Variants in ALK observed in about 807,000 individuals in gnomAD.
ALK encodes ALK receptor tyrosine kinase, also known as ALK tyrosine kinase receptor.
In ALK, 74 loss-of-function variants were observed where a neutral mutation model predicts 163.1. That is an observed-to-expected ratio of 0.45 (90% confidence interval 0.38 to 0.55). The LOEUF (loss-of-function observed/expected upper bound fraction) is 0.55, where lower values mean the gene tolerates loss of function less well. ALK is among the 20% of genes least tolerant of loss of function. The pLI, the probability that ALK is intolerant of heterozygous loss-of-function variation, is 0.00. For missense variants in ALK, 2,063 were observed against 2,105.3 expected (o/e 0.98, Z 0.39); for synonymous variants, 960 against 843.2 (o/e 1.14, Z -2.40).
rs185326181 is a variant in ALK, at chr2:29,460,640, C to T, written c.1154+71275G>A. ...AATTGGTTTGGGATGCCAAAAACCACGCCAAAATAAAACAGTGAATTTAAT... is the reference window on the plus strand; with the variant it reads ...AATTGGTTTGGGATGCCAAAAACCATGCCAAAATAAAACAGTGAATTTAAT... On this transcript the variant is annotated intron_variant, in intron 4 of 28. Transcript: ENST00000389048. Among the ~76,000 whole-genome samples the T allele has an allele frequency of 3.9e-5, 6 of 151,970 alleles. No individual in the cohort carries two copies. In the East Asian group the frequency reaches 5.8e-4, roughly 15 times the overall value.
chr2:29,698,099 C>T (rs79549398), intron 2 of ALK, among the ~76,000 whole-genome samples: 1,706 of 152,250 alleles, frequency 0.011, 10 homozygotes, highest in Non-Finnish European at 0.018. Context: ...TGCCCTTTCA[C>T]GATTCAGACA....
chr2:29,450,566 A>T (rs1670796059), intron 4 of ALK, among the ~76,000 whole-genome samples: 1 of 152,240 alleles, frequency 6.6e-6, no homozygotes, highest in Non-Finnish European at 1.5e-5. Flanking sequence ...TCTGGAAATC[A>T]GCACTTGGGG....
chr2:29,688,893 C>T (rs1244193749), intron 3 of ALK, among the ~76,000 whole-genome samples: 2 of 152,190 alleles, frequency 1.3e-5, no homozygotes, highest in South Asian at 2.1e-4. Context: ...AGGGTGGCCA[C>T]TGAACCCTGT....
intron 18 of ALK, among the ~76,000 whole-genome samples, chr2:29,226,001 C>T (rs2148177112): frequency 6.6e-6 from 1 of 152,172 alleles, no homozygotes; most frequent in Admixed American, 6.5e-5. Flanking sequence ...GGTCCTGTGC[C>T]CTCTGCTGGC....
In ALK at chr2:29,193,557, C is replaced by G. The variant is rs772430445; in HGVS notation, c.4530G>C (p.Trp1510Cys). The G allele has an allele frequency of 4.3e-6, 7 of 1,614,104 alleles. No individual in the cohort carries two copies. The African/African-American group carries it at 9.3e-5, about 22-fold the overall frequency. ...TCTTTTTGGTGGGTTTCTCTGTAAA[C>G]CAGGAGCCGTACGTTGGGTTCCACA... Reference protein sequence around the residue: ...TSLWNPTYGSWFTEKPTKKNN... With the variant: ...TSLWNPTYGSCFTEKPTKKNN... Residue 1510 changes from tryptophan (W) to cysteine (C), a missense_variant, in exon 29 of 29, where the codon TGG becomes TGC. Trp to Cys is a radical substitution (Grantham distance 215, BLOSUM62 -2). Around this residue, in one of 5 missense-constraint regions of ALK, gnomAD observed 403 missense variants for 366.2 expected, o/e 1.10. Coordinates refer to ENST00000389048, the MANE Select transcript of ALK (RefSeq NM_004304.5).
chr2:29,199,007 G>A (rs1371414141), intron 26 of ALK, among the ~76,000 whole-genome samples: 1 of 150,660 alleles, frequency 6.6e-6, no homozygotes, highest in African/African-American at 2.4e-5. Flanking sequence ...AGGCTGGAGT[G>A]CAGTGGTGCC....
intron 8 of ALK, among the ~76,000 whole-genome samples, chr2:29,315,062 G>T (rs1189389384): frequency 6.6e-6 from 1 of 152,196 alleles, no homozygotes; most frequent in Non-Finnish European, 1.5e-5. Context: ...AGAATATATT[G>T]TAAGTGGCTC....
chr2:29,251,202 T>C lies in ALK; in HGVS notation c.2107A>G (p.Asn703Asp), dbSNP rs2148197510. Reference sequence around the variant, plus strand: ...CTCAGGTTGGAGTTCTGGTAGGCGTTGTTGCACTGTGCCTGGGTGGGGCCA... The same window carrying C: ...CTCAGGTTGGAGTTCTGGTAGGCGTCGTTGCACTGTGCCTGGGTGGGGCCA... Reference protein sequence around the residue: ...PHGPTQAQCNNAYQNSNLSVE... With the variant: ...PHGPTQAQCNDAYQNSNLSVE... The change falls in exon 12 of 29, where the codon AAC becomes GAC. Residue 703 changes from asparagine (N) to aspartate (D), a missense_variant. Physicochemically the swap from Asn to Asp is conservative, Grantham distance 23. This residue lies in a region of ALK where 987 missense variants were observed against 939.5 expected (regional missense o/e 1.05). Transcript: ENST00000389048. The C allele has an allele frequency of 6.2e-7, 1 of 1,614,144 alleles. No individual in the cohort carries two copies. The highest frequency in any genetic ancestry group is 8.5e-7 in the Non-Finnish European group (1 of 1,180,012).
intron 4 of ALK, among the ~76,000 whole-genome samples, chr2:29,409,668 C>G (rs1178138278): frequency 6.6e-6 from 1 of 152,118 alleles, no homozygotes; most frequent in Non-Finnish European, 1.5e-5. Flanking sequence ...TCCCGTCAAG[C>G]CTCATCCTCT....
chr2:29,624,374 CA>C (rs1377319454), intron 3 of ALK, among the ~76,000 whole-genome samples: 1 of 152,198 alleles, frequency 6.6e-6, no homozygotes, highest in African/African-American at 2.4e-5. Flanking sequence ...ATTTCTGTTA[CA>C]AAGGGAGGTT....
At chr2:29,399,139 G>A (rs1201512234) in intron 4 of ALK, among the ~76,000 whole-genome samples, 1 of 152,198 alleles carries the variant, frequency 6.6e-6, no homozygotes, top group Non-Finnish European at 1.5e-5. Flanking sequence ...TGTGTCAGAC[G>A]CTGGGCAGGA....
intron 12 of ALK, among the ~76,000 whole-genome samples, chr2:29,249,285 C>T (rs552666872): frequency 5.9e-5 from 9 of 152,284 alleles, no homozygotes; most frequent in East Asian, 1.9e-4. Context: ...CAATGGGCTC[C>T]GCTGGGGGCT....
intron 1 of ALK, among the ~76,000 whole-genome samples, chr2:29,781,410 C>A (rs2339474): frequency 3.9e-5 from 6 of 152,222 alleles, no homozygotes; most frequent in Admixed American, 2.6e-4. Context: ...TGCCAGTTTC[C>A]CCATCCTCCT....
chr2:29,732,268 A>G (rs558812592), intron 1 of ALK, among the ~76,000 whole-genome samples: 1 of 152,348 alleles, frequency 6.6e-6, no homozygotes, highest in East Asian at 1.9e-4. Flanking sequence ...AAGTGTGACT[A>G]TTAAATCTGC....
intron 12 of ALK, among the ~76,000 whole-genome samples, chr2:29,241,806 A>ATTAATC (rs1170513316): frequency 6.6e-6 from 1 of 152,090 alleles, no homozygotes; most frequent in South Asian, 2.1e-4. Context: ...GGCAAATGTT[A>ATTAATC]TTAATCTCAT....
At chr2:29,342,607 T>C (rs894453956) in intron 5 of ALK, among the ~76,000 whole-genome samples, 3 of 152,204 alleles carry the variant, frequency 2.0e-5, no homozygotes, top group Non-Finnish European at 4.4e-5. Context: ...TTTAGAGCAA[T>C]TTGAAAGATG....
intron 1 of ALK, among the ~76,000 whole-genome samples, chr2:29,811,451 A>G (rs990910683): frequency 6.6e-6 from 1 of 152,170 alleles, no homozygotes; most frequent in African/African-American, 2.4e-5. Flanking sequence ...AGAGAAGAGG[A>G]TTAGATCAAA....
chr2:29,542,181 G>A (rs1054028068), intron 3 of ALK, among the ~76,000 whole-genome samples: 1 of 151,904 alleles, frequency 6.6e-6, no homozygotes, highest in Non-Finnish European at 1.5e-5. Context: ...GTTTTCCCTC[G>A]GTCCCCACAG....
At chr2:29,212,817 C>T (rs572039594) in intron 24 of ALK, among the ~76,000 whole-genome samples, 2 of 152,286 alleles carry the variant, frequency 1.3e-5, no homozygotes, top group African/African-American at 4.8e-5. Flanking sequence ...AGTGATTCTC[C>T]TGCCTCACCT....
Sources: allele counts gnomAD v4.1 joint callset (sites outside exome capture counted in the v4.1 genomes callset), GRCh38; gene constraint gnomAD v4.1.1; regional missense constraint gnomAD v4.1.1; transcripts MANE v1.5; gene names NCBI Gene and HGNC (gene_info 2026-07-23, HGNC 2026-07-21).